SDK1: variants seen among roughly 807,000 people sequenced by gnomAD.
SDK1 encodes the protein protein sidekick-1.
Under a neutral mutation model 245.5 loss-of-function variants are expected in SDK1, and 157 were observed. The observed-to-expected ratio is 0.64, with a 90% confidence interval of 0.56 to 0.73. The LOEUF (loss-of-function observed/expected upper bound fraction) is 0.73, where lower values mean the gene tolerates loss of function less well. SDK1 is among the 30% of genes least tolerant of loss of function. The pLI, the probability that SDK1 is intolerant of heterozygous loss-of-function variation, is 0.00. For synonymous variants in SDK1, 1,647 were observed against 1,278.5 expected (o/e 1.29, Z -6.15); for missense variants, 3,583 against 3,002.3 (o/e 1.19, Z -4.52).
At chr7:3,963,857 C>CCTAA (rs1272648846) in intron 9 of SDK1, among the ~76,000 whole-genome samples, 1 of 151,246 alleles carries the variant, frequency 6.6e-6, no homozygotes, top group Non-Finnish European at 1.5e-5. Flanking sequence ...AGTGGGTACA[C>CCTAA]CTAAGCTCAC....
intron 44 of SDK1, among the ~76,000 whole-genome samples, chr7:4,259,644 C>A (rs1787855187): frequency 6.6e-6 from 1 of 152,200 alleles, no homozygotes; most frequent in African/African-American, 2.4e-5. Flanking sequence ...AATATTCACA[C>A]TGAATAGCCC....
chr7:3,705,200 T>C (rs1471427376), intron 4 of SDK1, among the ~76,000 whole-genome samples: 2 of 151,952 alleles, frequency 1.3e-5, no homozygotes, highest in Non-Finnish European at 2.9e-5. Flanking sequence ...TGAATTTTAG[T>C]ATTTTTTTTT....
chr7:4,186,324 C>T (rs943139965), intron 35 of SDK1, among the ~76,000 whole-genome samples: 1 of 152,182 alleles, frequency 6.6e-6, no homozygotes, highest in African/African-American at 2.4e-5. Context: ...GCAGGACCTC[C>T]TCTCCTGGAG....
intron 1 of SDK1, among the ~76,000 whole-genome samples, chr7:3,452,075 G>C (rs1364816379): frequency 1.3e-5 from 2 of 152,212 alleles, no homozygotes; most frequent in African/African-American, 4.8e-5. Context: ...GAGTTAAATT[G>C]TATAAATTCT....
chr7:3,825,545 G>A (rs1779751023), intron 5 of SDK1, among the ~76,000 whole-genome samples: 1 of 152,018 alleles, frequency 6.6e-6, no homozygotes, highest in African/African-American at 2.4e-5. Context: ...TCATTTTAAT[G>A]TCTCCTCTTC....
intron 1 of SDK1, among the ~76,000 whole-genome samples, chr7:3,310,519 T>C (rs1248591998): frequency 2.0e-5 from 3 of 152,074 alleles, no homozygotes; most frequent in Admixed American, 6.6e-5. Flanking sequence ...GTATGGAAGG[T>C]GAATGAGAAA....
chr7:4,164,870 G>T (rs1169533181), intron 32 of SDK1, among the ~76,000 whole-genome samples: 2 of 152,218 alleles, frequency 1.3e-5, no homozygotes, highest in African/African-American at 4.8e-5. Context: ...ACCAGAGCAG[G>T]AGGTGGTCAA....
At chr7:3,949,000 C>T (rs901446726) in intron 5 of SDK1, among the ~76,000 whole-genome samples, 4 of 152,186 alleles carry the variant, frequency 2.6e-5, no homozygotes, top group African/African-American at 9.7e-5. Flanking sequence ...ACAGGCAGGC[C>T]GTTAGTCTGA....
At chr7:3,688,592 C>T (rs1784355523) in intron 4 of SDK1, among the ~76,000 whole-genome samples, 2 of 152,214 alleles carry the variant, frequency 1.3e-5, no homozygotes, top group South Asian at 4.1e-4. Flanking sequence ...CAAATTTCGT[C>T]TTTGTTTCTA....
Position 3,617,965 on chromosome 7 carries a change from G to A in SDK1, c.299-1115G>A, listed in dbSNP as rs1781820935. On this transcript the variant is annotated intron_variant, in intron 1 of 44. Coordinates refer to ENST00000404826, the MANE Select transcript of SDK1 (RefSeq NM_152744.4). Reference sequence around the variant, plus strand: ...GTGCTCGGTGTGAGCAGAGAGGGGAGGAGGCCTGAATGAAAGTTAGAAAGC... The same window carrying A: ...GTGCTCGGTGTGAGCAGAGAGGGGAAGAGGCCTGAATGAAAGTTAGAAAGC... Among the ~76,000 whole-genome samples the A allele has an allele frequency of 2.0e-5, 3 of 152,140 alleles. No individual in the cohort carries two copies. In the South Asian group the frequency reaches 6.2e-4, roughly 32 times the overall value.
At chr7:3,734,566 A>G (rs1283761545) in intron 4 of SDK1, among the ~76,000 whole-genome samples, 4 of 152,240 alleles carry the variant, frequency 2.6e-5, no homozygotes, top group Non-Finnish European at 5.9e-5. Context: ...CAAGTTCAAG[A>G]TACTATCTAA....
At chr7:3,875,102 A>G (rs915068998) in intron 5 of SDK1, among the ~76,000 whole-genome samples, 3 of 152,180 alleles carry the variant, frequency 2.0e-5, no homozygotes, top group Admixed American at 6.5e-5. Context: ...GAATCTTCCT[A>G]TGGGCTTATA....
intron 1 of SDK1, among the ~76,000 whole-genome samples, chr7:3,566,985 T>A (rs1779940645): frequency 6.6e-6 from 1 of 152,168 alleles, no homozygotes; most frequent in South Asian, 2.1e-4. Flanking sequence ...ACTTGGCACC[T>A]ATACTGGAGA....
At chr7:4,225,963 A>C (rs1297110440) in intron 40 of SDK1, among the ~76,000 whole-genome samples, 1 of 152,124 alleles carries the variant, frequency 6.6e-6, no homozygotes, top group African/African-American at 2.4e-5. Flanking sequence ...GTGTTCTTTC[A>C]TGGGAAGTTG....
chr7:3,504,277 T>C (rs905851758), intron 1 of SDK1, among the ~76,000 whole-genome samples: 5 of 151,344 alleles, frequency 3.3e-5, no homozygotes, highest in African/African-American at 4.9e-5. Context: ...TTGTTGTTGT[T>C]GTTGTTGTTG....
At chr7:3,591,635 G>A (rs1780878369) in intron 1 of SDK1, among the ~76,000 whole-genome samples, 1 of 152,230 alleles carries the variant, frequency 6.6e-6, no homozygotes, top group Non-Finnish European at 1.5e-5. Flanking sequence ...TTTGCAGTGG[G>A]TCTGCTGTAC....
intron 1 of SDK1, chr7:3,338,487 A>G (rs1028715429): frequency 2.6e-5 from 13 of 497,050 alleles, no homozygotes; most frequent in Non-Finnish European, 5.0e-5. Context: ...CCAAAGAGAA[A>G]TGTACCAGGG....
chr7:3,676,617 G>T (rs1190813392), intron 4 of SDK1, among the ~76,000 whole-genome samples: 2 of 152,162 alleles, frequency 1.3e-5, no homozygotes, highest in Non-Finnish European at 2.9e-5. Context: ...GAGCCACCAC[G>T]CCTTGCCCTC....
chr7:3,771,932 C>G (rs1400836866), intron 4 of SDK1, among the ~76,000 whole-genome samples: 1 of 152,176 alleles, frequency 6.6e-6, no homozygotes, highest in East Asian at 1.9e-4. Context: ...TTCCTTGAGC[C>G]CTTGGCTGGC....
Sources: allele counts gnomAD v4.1 joint callset (sites outside exome capture counted in the v4.1 genomes callset), GRCh38; gene constraint gnomAD v4.1.1; transcripts MANE v1.5; gene names NCBI Gene and HGNC (gene_info 2026-07-23, HGNC 2026-07-21).